TBC1D19: variants seen among roughly 807,000 people sequenced by gnomAD.
The protein encoded by TBC1D19 is TBC1 domain family, member 19.
In TBC1D19, 60 loss-of-function variants were observed where a neutral mutation model predicts 89.0. That is an observed-to-expected ratio of 0.67 (90% CI 0.55 to 0.84). The LOEUF is 0.84. Ranked by LOEUF, TBC1D19 falls within the 40% of genes least tolerant of loss-of-function variation. TBC1D19 has a pLI of 0.00. For missense variants in TBC1D19, 500 were observed against 610.8 expected, an observed-to-expected ratio of 0.82 and a Z score of 1.91; for synonymous variants, 189 against 199.7, an observed-to-expected ratio of 0.95 and a Z score of 0.45.
chr4:26,761,630 T>A, the TBC1D19 span, among the ~76,000 whole-genome samples: 7 of 152,192 alleles, frequency 4.6e-5, no homozygotes. Context: ...ATATACAGTA[T>A]GTCATCCATA....
rs750824514 is a variant in TBC1D19 at position 26,754,921 on chromosome 4, A to T, written c.1555A>T (p.Ile519Phe). Residue 519 changes from isoleucine to phenylalanine, a missense_variant, in exon 21 of 21, where the codon ATT (isoleucine) becomes TTT (phenylalanine). Physicochemically the swap from Ile to Phe is conservative, Grantham distance 21 (BLOSUM62 0). Coordinates refer to ENST00000264866, the MANE Select transcript of TBC1D19 (RefSeq NM_018317.4). Reference sequence around the variant, plus strand: ...TTTAAAAGTTATGCCTCTTCTTCAGATTTTTCTGTTTGCTACTGTCACCTG... The same window carrying T: ...TTTAAAAGTTATGCCTCTTCTTCAGTTTTTTCTGTTTGCTACTGTCACCTG... Reference protein sequence around the residue: ...STLKVMPLLQIFLFATVT With the variant: ...STLKVMPLLQFFLFATVT 39 of 1,605,454 alleles carry T rather than the reference A, an allele frequency of 2.4e-5. No individual in the cohort carries two copies. The highest frequency in any genetic ancestry group is 4.0e-5 in the African/African-American group (3 of 74,286).
chr4:26,753,651 G>T lies in TBC1D19; in HGVS notation c.1436-169G>T, dbSNP rs191743379. Among the ~76,000 whole-genome samples the T allele has an allele frequency of 2.2e-3, 328 of 152,308 alleles. 2 individuals are homozygous for T. Among genetic ancestry groups the T allele is most frequent in the African/African-American group, 7.4e-3 (308 of 41,562 alleles). ...CCATCAGGCACTGTCCTCTAGAGCAGACAATTTCCATTCATCACAAGACCT... is the reference window on the plus strand; with the variant it reads ...CCATCAGGCACTGTCCTCTAGAGCATACAATTTCCATTCATCACAAGACCT... On this transcript the variant is annotated intron_variant, in intron 19 of 20. Transcript: ENST00000264866.
At chr4:26,594,272 T>C (rs915685867) in intron 1 of TBC1D19, among the ~76,000 whole-genome samples, 3 of 151,984 alleles carry the variant, frequency 2.0e-5, no homozygotes, top group Non-Finnish European at 4.4e-5. Context: ...TTCTCACTCA[T>C]AGGTGGGAAT....
At chr4:26,739,600 T>A (rs1718231694) in intron 16 of TBC1D19, among the ~76,000 whole-genome samples, 1 of 152,174 alleles carries the variant, frequency 6.6e-6, no homozygotes, top group Non-Finnish European at 1.5e-5. Context: ...TCTGTATAAT[T>A]CCATAATATC....
At chr4:26,600,525 G>A (rs2109980115) in intron 1 of TBC1D19, among the ~76,000 whole-genome samples, 1 of 152,310 alleles carries the variant, frequency 6.6e-6, no homozygotes, top group Non-Finnish European at 1.5e-5. Flanking sequence ...ATGTAGGGTT[G>A]AATTAGGTAA....
Position 26,713,168 on chromosome 4 carries a change from C to T in TBC1D19, c.955-4765C>T, listed in dbSNP as rs370976608. On this transcript the variant is annotated intron_variant, in intron 13 of 20. Transcript: ENST00000264866. ...AAATTCACATGATTATCTTAATAGA[C>T]GCCAAAAATTTATTTGAGACCATAT... is the stretch of plus-strand genomic sequence containing the variant. Among the ~76,000 whole-genome samples, 25 of 151,842 alleles carry T rather than the reference C, an allele frequency of 1.6e-4. 1 individual carries two copies. In the East Asian group the frequency reaches 2.7e-3, roughly 16 times the overall value.
chr4:26,849,311 G>A, the TBC1D19 span, among the ~76,000 whole-genome samples: 1 of 152,040 alleles, frequency 6.6e-6, no homozygotes, highest in South Asian at 2.1e-4. Context: ...GTTCTTCAAA[G>A]ACTGCATATT....
At chr4:26,709,455 TC>T (rs1715993253) in intron 13 of TBC1D19, among the ~76,000 whole-genome samples, 1 of 151,948 alleles carries the variant, frequency 6.6e-6, no homozygotes, top group Non-Finnish European at 1.5e-5. Flanking sequence ...AGTGTTTCCT[TC>T]CTCCGATCTT....
At chr4:26,698,411 C>A (rs934978729) in intron 13 of TBC1D19, among the ~76,000 whole-genome samples, 1 of 152,152 alleles carries the variant, frequency 6.6e-6, no homozygotes, top group African/African-American at 2.4e-5. Context: ...TAGGAAGAAT[C>A]AAAATCGTGA....
At chr4:26,790,725 G>A in the TBC1D19 span, among the ~76,000 whole-genome samples, 1 of 152,040 alleles carries the variant, frequency 6.6e-6, no homozygotes, top group Non-Finnish European at 1.5e-5. Context: ...AAAATATGTT[G>A]AGCCATTTAT....
chr4:26,800,525 A>G, the TBC1D19 span, among the ~76,000 whole-genome samples: 1 of 152,184 alleles, frequency 6.6e-6, no homozygotes, highest in Non-Finnish European at 1.5e-5. Context: ...ATACCCAGTA[A>G]TGGGATGGCT....
chr4:26,627,971 T>C (rs1742540892), intron 4 of TBC1D19, among the ~76,000 whole-genome samples: 1 of 152,224 alleles, frequency 6.6e-6, no homozygotes, highest in Non-Finnish European at 1.5e-5. Flanking sequence ...CATGCCTATG[T>C]CCTGAATGGT....
intron 1 of TBC1D19, among the ~76,000 whole-genome samples, chr4:26,599,661 G>T (rs975159684): frequency 3.3e-5 from 5 of 151,994 alleles, no homozygotes; most frequent in Non-Finnish European, 7.4e-5. Context: ...AATTGAATTT[G>T]CTGGCCAAGT....
intron 15 of TBC1D19, among the ~76,000 whole-genome samples, chr4:26,726,275 T>G (rs1717317810): frequency 6.6e-6 from 1 of 152,034 alleles, no homozygotes; most frequent in Non-Finnish European, 1.5e-5. Flanking sequence ...GACAGCCCCT[T>G]ACAACAAAGA....
intron 7 of TBC1D19, among the ~76,000 whole-genome samples, chr4:26,655,602 C>G (rs1281931314): frequency 6.6e-6 from 1 of 152,212 alleles, no homozygotes; most frequent in African/African-American, 2.4e-5. Flanking sequence ...TTGCTGCCAC[C>G]TTGCAGTTTG....
chr4:26,677,934 G>C (rs1471544263), intron 11 of TBC1D19, among the ~76,000 whole-genome samples: 1 of 152,140 alleles, frequency 6.6e-6, no homozygotes, highest in Non-Finnish European at 1.5e-5. Flanking sequence ...CCAGTCTTGG[G>C]TATTTCTTCA....
At chr4:26,654,305 C>A (rs924058797) in intron 7 of TBC1D19, among the ~76,000 whole-genome samples, 2 of 152,146 alleles carry the variant, frequency 1.3e-5, no homozygotes, top group African/African-American at 4.8e-5. Flanking sequence ...CTGCCCTTAA[C>A]ATATTTTCCT....
chr4:26,740,694 C>G (rs1718312713), intron 17 of TBC1D19: 1 of 985,018 alleles, frequency 1.0e-6, no homozygotes, highest in Admixed American at 6.2e-5. Context: ...CTTTTTTTCC[C>G]CCTTTGGACC....
rs1181361040 is a variant in TBC1D19 at position 26,647,399 on chromosome 4, T to G, written c.480+7212T>G. ...CACTCTTTCTCTTGGACTTCACATG[T>G]AATCCTATTATATTTATCTTTGAAA... is the stretch of plus-strand genomic sequence containing the variant. On this transcript the variant is annotated intron_variant, in intron 7 of 20. Coordinates refer to ENST00000264866, the MANE Select transcript of TBC1D19 (RefSeq NM_018317.4). Among the ~76,000 whole-genome samples, 5 of 152,218 alleles carry G rather than the reference T, an allele frequency of 3.3e-5. No homozygotes were observed. The East Asian group carries it at 9.6e-4, about 29-fold the overall frequency.
Sources: allele counts gnomAD v4.1 joint callset (sites outside exome capture counted in the v4.1 genomes callset), GRCh38; gene constraint gnomAD v4.1.1; transcripts MANE v1.5; gene names NCBI Gene and HGNC (gene_info 2026-07-23, HGNC 2026-07-21).